The following COMT variants were observed in gnomAD, a reference collection of about 807,000 sequenced individuals.
COMT encodes catechol-O-methyltransferase, also known as catechol O-methyltransferase.
COMT carries 13 observed loss-of-function variants against 18.9 expected under a neutral mutation model. The ratio of observed to expected loss-of-function variants is 0.69; its 90% CI spans 0.45 to 1.09. COMT has a LOEUF of 1.09. COMT is among the 50% of genes least tolerant of loss of function. The probability of loss-of-function intolerance (pLI) is 0.00; values close to 1 mark genes in which losing one functional copy is unlikely to be tolerated. For missense variants in COMT, 329 were observed against 361.8 expected, an observed-to-expected ratio of 0.91 and a Z score of 0.73; for synonymous variants, 150 against 160.9, an observed-to-expected ratio of 0.93 and a Z score of 0.51.
At chr22:19,964,652 G>A (rs1942294986) in intron 5 of COMT, 2 of 587,506 alleles carry the variant, frequency 3.4e-6, no homozygotes, top group Non-Finnish European at 6.1e-6. Context: ...GCCGCTCTGG[G>A]CCCAGCCTGC....
At position 19,969,057 on chromosome 22, in the gene COMT, C is replaced by T. The variant is rs934034534; in HGVS notation, c.*321C>T. ...CGACTTAGTACATCCTTCTCAACTG[C>T]CATTCCCCTGCTGCCCTTGACTTGG... On this transcript the variant is annotated 3_prime_UTR_variant, in exon 6 of 6. Coordinates refer to ENST00000361682, the MANE Select transcript of COMT (RefSeq NM_000754.4). 4.3e-5 allele frequency: 11 copies of T among 255,740 alleles called. No homozygotes were observed. The highest frequency in any genetic ancestry group is 2.3e-4 in the African/African-American group (10 of 44,208). The allele number at this position is 255,740 out of a possible 1,614,324, so 15.8% of individuals were successfully genotyped here. A position where few individuals can be genotyped will look rare whatever the true frequency, so the allele number is the denominator to read the frequency against.
At chr22:19,955,515 G>T (rs977007744) in intron 1 of COMT, among the ~76,000 whole-genome samples, 2 of 152,270 alleles carry the variant, frequency 1.3e-5, no homozygotes, top group Non-Finnish European at 2.9e-5. Context: ...CTTTGCTGGG[G>T]GTTTCCAGCC....
chr22:19,968,788 G>A lies in COMT; in HGVS notation c.*52G>A, dbSNP rs934748900. 1.9e-6 allele frequency: 3 copies of A among 1,542,880 alleles called. No homozygotes were observed. The highest frequency in any genetic ancestry group is 1.8e-5 in the Admixed American group (1 of 57,140). ...TCTCTCACCCAGCCTGGTACTGAAG[G>A]TGCCAGACGTGCTCCTGCTGACCTT... is the stretch of plus-strand genomic sequence containing the variant. On this transcript the variant is annotated 3_prime_UTR_variant, in exon 6 of 6. Transcript: ENST00000361682.
chr22:19,949,321 T>A (rs1050346935), intron 1 of COMT, among the ~76,000 whole-genome samples: 3 of 152,114 alleles, frequency 2.0e-5, no homozygotes, highest in Non-Finnish European at 2.9e-5. Context: ...TGAGTTTTTT[T>A]ATAGAAACAG....
At chr22:19,956,523 G>A (rs140023942) in intron 1 of COMT, among the ~76,000 whole-genome samples, 163 of 151,528 alleles carry the variant, frequency 1.1e-3, no homozygotes, top group African/African-American at 3.9e-3. Flanking sequence ...ACTAACAGGT[G>A]CTTGCCACCA....
intron 5 of COMT, among the ~76,000 whole-genome samples, chr22:19,967,940 C>T (rs571064504): frequency 6.6e-6 from 1 of 152,380 alleles, no homozygotes; most frequent in Non-Finnish European, 1.5e-5. Flanking sequence ...CAACTCCTTC[C>T]TTCTGCACAG....
chr22:19,960,419 C>A (rs16982844), intron 1 of COMT, among the ~76,000 whole-genome samples: 6,395 of 152,340 alleles, frequency 0.042, 208 homozygotes, highest in Non-Finnish European at 0.071. Flanking sequence ...AAAGTTCTGG[C>A]TGCTTCAGGT....
At chr22:19,950,542 C>G (rs994926863) in intron 1 of COMT, among the ~76,000 whole-genome samples, 4 of 152,106 alleles carry the variant, frequency 2.6e-5, no homozygotes, top group African/African-American at 7.2e-5. Context: ...GTGAGCTCAG[C>G]TGGTTGCTTT....
At chr22:19,962,856 A>C in intron 3 of COMT, 41 bp downstream of exon 3, 5 of 1,574,982 alleles carry the variant, frequency 3.2e-6, no homozygotes, top group Non-Finnish European at 4.3e-6. Context: ...TGGGACAGGG[A>C]CCCAGGACCA....
chr22:19,957,085 G>A lies in COMT; in HGVS notation c.-91-4114G>A, dbSNP rs575123756. Among the ~76,000 whole-genome samples the A allele has an allele frequency of 2.0e-5, 3 of 151,906 alleles. No homozygotes were observed. In the South Asian group the frequency reaches 6.3e-4, roughly 32 times the overall value. ...CCTGCCTCAGCCTCCCGAGTAGCTG[G>A]GACTACAGGTGCCTGCCACCACACC... On this transcript the variant is annotated intron_variant, in intron 1 of 5. Coordinates refer to ENST00000361682, the MANE Select transcript of COMT (RefSeq NM_000754.4).
rs13306281 is a variant in COMT, at chr22:19,962,800, G to A, written c.274G>A (p.Val92Met). The A allele has an allele frequency of 3.1e-6, 5 of 1,604,938 alleles. No individual in the cohort carries two copies. The highest frequency in any genetic ancestry group is 1.1e-5 in the South Asian group (1 of 90,920). Residue 92 changes from valine (V) to methionine (M), a missense_variant, in exon 3 of 6, where the codon GTG (valine) becomes ATG (methionine). Val to Met is a conservative substitution (Grantham distance 21). Coordinates refer to ENST00000361682, the MANE Select transcript of COMT (RefSeq NM_000754.4). ...YCEQKEWAMN[V>M]GDKKGKIVDA... The stretch of plus-strand genomic sequence containing the variant: ...CGAGCAGAAGGAGTGGGCCATGAAC[G>A]TGGGCGACAAGAAAGGTGGGGTCCG...
intron 4 of COMT, 178 bp downstream of exon 4, chr22:19,963,937 G>C (rs1445209343): frequency 1.7e-6 from 2 of 1,157,046 alleles, no homozygotes; most frequent in African/African-American, 3.0e-5. Flanking sequence ...CAGCAGCTCA[G>C]TGAGGGTCTC....
intron 5 of COMT, chr22:19,967,169 G>A (rs1942447217): frequency 7.7e-7 from 1 of 1,304,008 alleles, no homozygotes; most frequent in South Asian, 1.2e-5. Flanking sequence ...TGCAGGTGCA[G>A]TGGTCTGGTG....
rs1165684919 is a variant in COMT, at chr22:19,968,733, C to G, written c.813C>G (p.Pro271=). 1 of 1,568,898 alleles carries G rather than the reference C, an allele frequency of 6.4e-7. No individual in the cohort carries two copies. The highest frequency in any genetic ancestry group is 2.3e-5 in the East Asian group (1 of 43,818). The change falls in exon 6 of 6, where the codon CCC becomes CCG. Residue 271 remains proline (P), a synonymous_variant. Transcript: ENST00000361682. ...AGGGCCCAGGCAGCGAAGCAGGGCC[C>G]TGACTGCCCCCCCGGCCCCCCTCTC... The part of the protein sequence containing the change: ...IYKGPGSEAG[P]
At position 19,969,853 on chromosome 22, in the gene COMT, A is replaced by C. The variant is rs1942645781; in HGVS notation, c.*1117A>C. On this transcript the variant is annotated 3_prime_UTR_variant, in exon 6 of 6. Transcript: ENST00000361682. Reference sequence around the variant, plus strand: ...GCGCAGAGGCCCGACACAAGGGAGAAGCCAGCCACTTGTGCCAGACCTGAG... The same window carrying C: ...GCGCAGAGGCCCGACACAAGGGAGACGCCAGCCACTTGTGCCAGACCTGAG... 1.0e-6 allele frequency: 1 copy of C among 985,410 alleles called. No homozygotes were observed. Among genetic ancestry groups the C allele is most frequent in the South Asian group, 4.7e-5 (1 of 21,288 alleles). 61.0% of individuals were successfully genotyped at this position (985,410 alleles called of 1,614,324 possible).
intron 1 of COMT, among the ~76,000 whole-genome samples, chr22:19,955,913 G>A (rs1454990486): frequency 6.6e-6 from 1 of 152,132 alleles, no homozygotes; most frequent in Non-Finnish European, 1.5e-5. Context: ...TGAGCTTGCT[G>A]TGCAGCCCAG....
At chr22:19,963,951 G>C in intron 4 of COMT, 192 bp downstream of exon 4, 2 of 1,179,620 alleles carry the variant, frequency 1.7e-6, no homozygotes, top group Non-Finnish European at 2.4e-6. Flanking sequence ...GGGTCTCACA[G>C]CTCTGGGTAA....
intron 4 of COMT, 59 bp downstream of exon 4, chr22:19,963,818 G>A (rs762799183): frequency 1.3e-6 from 2 of 1,545,780 alleles, no homozygotes; most frequent in Non-Finnish European, 8.7e-7. Flanking sequence ...GGCAGGGAGG[G>A]CATGCGCACT....
rs1363253427 is a variant in COMT at position 19,962,615 on chromosome 22, G to C, written c.89G>C (p.Gly30Ala). ...VVLLLLLRHWGWGLCLIGWNE... is the reference protein window; with the variant it reads ...VVLLLLLRHWAWGLCLIGWNE... Reference sequence around the variant, plus strand: ...CTGCTGCTGCTTCTGAGGCACTGGGGCTGGGGCCTGTGCCTTATCGGCTGG... The same window carrying C: ...CTGCTGCTGCTTCTGAGGCACTGGGCCTGGGGCCTGTGCCTTATCGGCTGG... The change falls in exon 3 of 6, where the codon GGC becomes GCC. Residue 30 changes from glycine to alanine, a missense_variant. By Grantham distance (60) the Gly-to-Ala change is moderately conservative. Transcript: ENST00000361682. 6.2e-7 allele frequency: 1 copy of C among 1,600,556 alleles called. No individual in the cohort carries two copies. Among genetic ancestry groups the C allele is most frequent in the South Asian group, 1.1e-5 (1 of 88,992 alleles).
Sources: allele counts gnomAD v4.1 joint callset (sites outside exome capture counted in the v4.1 genomes callset), GRCh38; gene constraint gnomAD v4.1.1; transcripts MANE v1.5; gene names NCBI Gene and HGNC (gene_info 2026-07-23, HGNC 2026-07-21).